The following ZNF804A variants were observed in gnomAD, a reference collection of about 807,000 sequenced individuals.
ZNF804A encodes zinc finger protein 804A.
Under a neutral mutation model 16.5 loss-of-function variants are expected in ZNF804A, and 2 were observed. The observed-to-expected ratio is 0.12, with a 90% CI of 0.05 to 0.38. The LOEUF is 0.38. Among genes scored for constraint, ZNF804A ranks in the 10% least tolerant of loss-of-function variants. The pLI is 0.99. For synonymous variants in ZNF804A, 534 were observed against 489.6 expected, an observed-to-expected ratio of 1.09 and a Z score of -1.20; for missense variants, 1,473 against 1,390.7, an observed-to-expected ratio of 1.06 and a Z score of -0.94.
intron 2 of ZNF804A, among the ~76,000 whole-genome samples, chr2:184,923,253 T>C (rs1048860841): frequency 1.3e-5 from 2 of 151,972 alleles, no homozygotes; most frequent in African/African-American, 4.8e-5. Context: ...TTTTTTATTG[T>C]ATAAATCTTT....
At chr2:184,749,963 G>T (rs1478990112) in intron 1 of ZNF804A, among the ~76,000 whole-genome samples, 1 of 151,218 alleles carries the variant, frequency 6.6e-6, no homozygotes, top group African/African-American at 2.4e-5. Flanking sequence ...AGTGGGATTT[G>T]CATAAAGATA....
Position 184,905,120 on chromosome 2 carries a change from T to C in ZNF804A, c.256-28483T>C, listed in dbSNP as rs182897955. Among the ~76,000 whole-genome samples, 684 of 152,046 alleles carry C rather than the reference T, an allele frequency of 4.5e-3. 15 individuals carry two copies. Among genetic ancestry groups the C allele is most frequent in the Non-Finnish European group, 1.3e-3 (88 of 67,918 alleles). The stretch of plus-strand genomic sequence containing the variant: ...GTGTGTGTGTGTGTGTGTGTCATTA[T>C]GATTAAGTCAGTGTTTTTTACAGAA... On this transcript the variant is annotated intron_variant, in intron 2 of 3. Transcript: ENST00000302277.
chr2:184,692,219 T>G (rs1049824847), intron 1 of ZNF804A, among the ~76,000 whole-genome samples: 2 of 152,170 alleles, frequency 1.3e-5, no homozygotes, highest in Non-Finnish European at 2.9e-5. Context: ...GGCAGAGCAG[T>G]TAATAGCTAC....
intron 1 of ZNF804A, among the ~76,000 whole-genome samples, chr2:184,673,745 C>T (rs1312639598): frequency 6.6e-5 from 10 of 152,114 alleles, no homozygotes; most frequent in East Asian, 1.9e-4. Context: ...CAAAGAAAAA[C>T]GGGCAAAGGG....
At chr2:184,930,743 T>C (rs1685684547) in intron 2 of ZNF804A, among the ~76,000 whole-genome samples, 1 of 152,180 alleles carries the variant, frequency 6.6e-6, no homozygotes, top group African/African-American at 2.4e-5. Flanking sequence ...AATTTAAAAA[T>C]TTTTATGGAA....
At chr2:184,897,784 C>G (rs1000717937) in intron 2 of ZNF804A, among the ~76,000 whole-genome samples, 3 of 152,014 alleles carry the variant, frequency 2.0e-5, no homozygotes, top group Non-Finnish European at 4.4e-5. Flanking sequence ...TTAACACACC[C>G]CCATACTTCC....
At chr2:184,731,603 T>C (rs1022128760) in intron 1 of ZNF804A, among the ~76,000 whole-genome samples, 1 of 144,386 alleles carries the variant, frequency 6.9e-6, no homozygotes, top group Admixed American at 7.0e-5. Flanking sequence ...AGGGTCTTGC[T>C]GTGTTATCCA....
At chr2:184,858,996 G>GT (rs1265479157) in intron 1 of ZNF804A, among the ~76,000 whole-genome samples, 1 of 152,132 alleles carries the variant, frequency 6.6e-6, no homozygotes, top group Non-Finnish European at 1.5e-5. Flanking sequence ...CTCCTGGCCT[G>GT]TAAGTGCTCT....
Position 184,817,435 on chromosome 2 carries a change from G to A in ZNF804A, c.112-48934G>A, listed in dbSNP as rs199612142. Among the ~76,000 whole-genome samples, 351 of 151,926 alleles carry A rather than the reference G, an allele frequency of 2.3e-3. 1 individual carries two copies. Among genetic ancestry groups the A allele is most frequent in the African/African-American group, 8.2e-3 (339 of 41,466 alleles). On this transcript the variant is annotated intron_variant, in intron 1 of 3. Transcript: ENST00000302277. ...AACCTGAAAAATCAAAGGTAAATAA[G>A]CCCACAAGGATAAGAAAGAATCAAT...
At chr2:184,846,724 C>T (rs947004522) in intron 1 of ZNF804A, among the ~76,000 whole-genome samples, 5 of 151,980 alleles carry the variant, frequency 3.3e-5, no homozygotes, top group Non-Finnish European at 5.9e-5. Context: ...TAATCTAACT[C>T]GGTGTTTTGA....
At chr2:184,764,652 T>C (rs1444983852) in intron 1 of ZNF804A, among the ~76,000 whole-genome samples, 1 of 152,216 alleles carries the variant, frequency 6.6e-6, no homozygotes, top group Non-Finnish European at 1.5e-5. Context: ...TACAGGCACA[T>C]CTTCATTGCC....
At chr2:184,925,827 A>G (rs1241779954) in intron 2 of ZNF804A, among the ~76,000 whole-genome samples, 1 of 152,038 alleles carries the variant, frequency 6.6e-6, no homozygotes, top group African/African-American at 2.4e-5. Flanking sequence ...ACAAGCAAAA[A>G]TAAAACTAAT....
chr2:184,710,170 G>C (rs1693102879), intron 1 of ZNF804A, among the ~76,000 whole-genome samples: 1 of 151,258 alleles, frequency 6.6e-6, no homozygotes, highest in South Asian at 2.1e-4. Context: ...TTGACACACA[G>C]TAAACTGTAC....
intron 1 of ZNF804A, among the ~76,000 whole-genome samples, chr2:184,840,517 T>C (rs1445965939): frequency 1.3e-5 from 2 of 152,172 alleles, no homozygotes; most frequent in African/African-American, 2.4e-5. Flanking sequence ...TTGAAATTGA[T>C]ATTCTAAATT....
intron 2 of ZNF804A, among the ~76,000 whole-genome samples, chr2:184,897,446 ATTTTTTCCCCTTTCCATACAGCAT>A (rs1478919964): frequency 1.4e-5 from 2 of 145,894 alleles, no homozygotes; most frequent in Admixed American, 6.9e-5. Flanking sequence ...CCATACAGCA[ATTTTTTCCCCTTTCCATACAGCAT>A]TTTTTTTCCT....
intron 1 of ZNF804A, among the ~76,000 whole-genome samples, chr2:184,675,198 TCA>T (rs1386261179): frequency 6.6e-6 from 1 of 151,824 alleles, no homozygotes; most frequent in African/African-American, 2.4e-5. Context: ...AGACGTATGT[TCA>T]CACACACATA....
chr2:184,743,097 A>C (rs908763519), intron 1 of ZNF804A, among the ~76,000 whole-genome samples: 2 of 152,028 alleles, frequency 1.3e-5, no homozygotes, highest in Non-Finnish European at 2.9e-5. Context: ...TGTCTCATTC[A>C]TTAATAATCA....
At chr2:184,789,518 C>T (rs1694499851) in intron 1 of ZNF804A, among the ~76,000 whole-genome samples, 1 of 151,716 alleles carries the variant, frequency 6.6e-6, no homozygotes, top group Non-Finnish European at 1.5e-5. Context: ...TCATTACTTG[C>T]TATTGATCTG....
At chr2:184,601,100 T>C (rs944839891) in intron 1 of ZNF804A, among the ~76,000 whole-genome samples, 3 of 151,768 alleles carry the variant, frequency 2.0e-5, no homozygotes, top group Admixed American at 6.5e-5. Context: ...TTCCTGTGTA[T>C]GAGATTTGCA....
Sources: gnomAD v4.1 joint callset for allele counts (sites outside exome capture counted in the v4.1 genomes callset) on GRCh38, gnomAD v4.1.1 for gene constraint, MANE v1.5 for transcripts, NCBI Gene and HGNC (gene_info 2026-07-23, HGNC 2026-07-21) for gene names.